Variants in PQBP1 observed in about 807,000 individuals in gnomAD.
The protein encoded by PQBP1 is polyglutamine-binding protein 1.
Under a neutral mutation model 20.9 loss-of-function variants are expected in PQBP1, and 3 were observed. The ratio of observed to expected loss-of-function variants is 0.14; its 90% confidence interval spans 0.07 to 0.37. The LOEUF is 0.37. Ranked by LOEUF, PQBP1 falls within the 10% of genes least tolerant of loss-of-function variation. The pLI, the probability that PQBP1 is intolerant of heterozygous loss-of-function variation, is 1.00. For synonymous variants in PQBP1, 83 were observed against 93.8 expected (o/e 0.88, Z 0.67); for missense variants, 162 against 240.3 (o/e 0.67, Z 2.16).
chrX:48,901,099 G>A, intron 2 of PQBP1, 91 bp from the exon 3 acceptor site: 1 of 1,159,174 alleles, frequency 8.6e-7, no homozygotes, highest in South Asian at 1.9e-5. Context: ...TGTGGCTTGT[G>A]TGAATGTGAG....
Position 48,901,491 on chromosome X carries a change from T to A in PQBP1, c.179+190T>A, listed in dbSNP as rs782293903. On this transcript the variant is annotated intron_variant, in intron 3 of 6. Transcript: ENST00000447146. Reference sequence around the variant, plus strand: ...GGTTGGAAGACTGTCTTTTCTCTCTTTTTTGAAACGGAGTTTCACTCTTGT... The same window carrying A: ...GGTTGGAAGACTGTCTTTTCTCTCTATTTTGAAACGGAGTTTCACTCTTGT... 4 of 959,847 alleles carry A rather than the reference T, an allele frequency of 4.2e-6. No homozygotes were observed. The African/African-American group carries it at 7.7e-5, about 19-fold the overall frequency. The allele number at this position is 959,847 out of a possible 1,213,427, so 79.1% of individuals were successfully genotyped here.
chrX:48,898,458 T>C, intron 1 of PQBP1, 34 bp from the exon 2 acceptor site: 1 of 1,158,662 alleles, frequency 8.6e-7, no homozygotes, highest in East Asian at 3.0e-5. Context: ...AATCTTTATC[T>C]GAGCTGCTTG....
At chrX:48,899,220 A>AC (rs782648522) in intron 2 of PQBP1, among the ~76,000 whole-genome samples, 1 of 109,027 alleles carries the variant, frequency 9.2e-6, no homozygotes, top group African/African-American at 3.3e-5. Context: ...CAGGTGATCC[A>AC]CCCCCCACCC....
rs2063432976 is a variant in PQBP1, at chrX:48,902,386, T to C, written c.446T>C (p.Val149Ala). 8.3e-7 allele frequency: 1 copy of C among 1,206,187 alleles called. No individual in the cohort carries two copies. The highest frequency in any genetic ancestry group is 1.8e-5 in the African/African-American group (1 of 56,594). ...GATCGAGAGCGTGGCTATGACAAGG[T>C]AGACAGAGAGAGAGAGCGAGACAGG... The part of the protein sequence containing the change: ...DRDRERGYDK[V>A]DRERERDRER... The change falls in exon 5 of 7, where the codon GTA becomes GCA. Residue 149 changes from valine to alanine, a missense_variant. By Grantham distance (64) the Val-to-Ala change is moderately conservative (BLOSUM62 0). Transcript: ENST00000447146.
At chrX:48,901,884 A>G in intron 3 of PQBP1, 46 bp from the exon 4 acceptor site, 1 of 1,209,167 alleles carries the variant, frequency 8.3e-7, no homozygotes, top group Non-Finnish European at 1.1e-6. Flanking sequence ...TTGAGGATCC[A>G]AGGCAAGGAC....
At chrX:48,898,785 C>CTTTTTTTTTTTTTTT (rs34214032) in intron 2 of PQBP1, among the ~76,000 whole-genome samples, 1 of 21,460 alleles carries the variant, frequency 4.7e-5, no homozygotes, top group East Asian at 1.9e-3. Flanking sequence ...ATATTTCATT[C>CTTTTTTTTTTTTTTT]TTTTTTTTTT....
intron 3 of PQBP1, chrX:48,901,513 T>C: frequency 1.2e-6 from 1 of 858,841 alleles, no homozygotes; most frequent in African/African-American, 2.0e-5. Flanking sequence ...AGTTTCACTC[T>C]TGTAGCCCGG....
intron 2 of PQBP1, among the ~76,000 whole-genome samples, chrX:48,900,552 A>G (rs997924230): frequency 1.9e-5 from 2 of 103,926 alleles, no homozygotes; most frequent in Admixed American, 2.1e-4. Context: ...CCTATGGTAT[A>G]TATATTATTT....
chrX:48,898,402 T>C lies in PQBP1; in HGVS notation c.-18-90T>C. 3 of 808,739 alleles carry C rather than the reference T, an allele frequency of 3.7e-6. No homozygotes were observed. In the Admixed American group the frequency reaches 7.3e-5, roughly 20 times the overall value. The allele number at this position is 808,739 out of a possible 1,213,427, so 66.6% of individuals were successfully genotyped here. A position where few individuals can be genotyped will look rare whatever the true frequency, so the allele number is the denominator to read the frequency against. ...TTCATTTGAGTAGATCGGAGTCAGA[T>C]GAGTACATGTTTACGGGAGGCGCTT... On this transcript the variant is annotated intron_variant, in intron 1 of 6. Coordinates refer to ENST00000447146, the MANE Select transcript of PQBP1 (RefSeq NM_001032382.2).
chrX:48,902,930 G>A lies in PQBP1; in HGVS notation c.644G>A (p.Gly215Asp), dbSNP rs1557041819. 8.4e-7 allele frequency: 1 copy of A among 1,196,695 alleles called. No individual in the cohort carries two copies. Among genetic ancestry groups the A allele is most frequent in the African/African-American group, 1.8e-5 (1 of 57,007 alleles). ...DPSSYSDAPRGTWSTGLPKRN... is the reference protein window; with the variant it reads ...DPSSYSDAPRDTWSTGLPKRN... ...TCCCCTGACTCTTTCACCGGCAGGG[G>A]CACGTGGTCAACAGGACTCCCCAAG... is the stretch of plus-strand genomic sequence containing the variant. Residue 215 changes from glycine (G) to aspartate (D), a missense_variant and splice_region_variant, in exon 7 of 7, where the codon GGC becomes GAC. Physicochemically the swap from Gly to Asp is moderately conservative, Grantham distance 94. Coordinates refer to ENST00000447146, the MANE Select transcript of PQBP1 (RefSeq NM_001032382.2).
chrX:48,898,010 C>A lies in PQBP1; in HGVS notation c.-91C>A. 11 of 985,059 alleles carry A rather than the reference C, an allele frequency of 1.1e-5. No individual in the cohort carries two copies. Among genetic ancestry groups the A allele is most frequent in the Non-Finnish European group, 1.5e-5 (11 of 756,871 alleles). The allele number at this position is 985,059 out of a possible 1,213,427, so 81.2% of individuals were successfully genotyped here. On this transcript the variant is annotated 5_prime_UTR_variant, in exon 1 of 7. Coordinates refer to ENST00000447146, the MANE Select transcript of PQBP1 (RefSeq NM_001032382.2). The stretch of plus-strand genomic sequence containing the variant: ...TGTTTTGGGAAGAGAGTCGTGTGGG[C>A]CCAGGTATCGTAGCGGCGACACGAG...
intron 2 of PQBP1, among the ~76,000 whole-genome samples, chrX:48,899,737 TC>T (rs1386879068): frequency 8.9e-6 from 1 of 112,089 alleles, no homozygotes; most frequent in East Asian, 2.8e-4. Context: ...TCTACTGCTG[TC>T]TCCTGTGTGC....
rs781987043 is a variant in PQBP1 at position 48,903,064 on chromosome X, C to T, written c.778C>T (p.Arg260Ter). The T allele has an allele frequency of 2.5e-6, 3 of 1,206,424 alleles. No homozygotes were observed. The highest frequency in any genetic ancestry group is 2.2e-6 in the Non-Finnish European group (2 of 893,642). ...AVLRANAEASRTKQQD is the reference protein window; with the variant it reads ...AVLRANAEAS Reference sequence around the variant, plus strand: ...GCTCCGGGCCAATGCAGAGGCCTCCCGAACCAAGCAGCAGGATTGAAGCTT... The same window carrying T: ...GCTCCGGGCCAATGCAGAGGCCTCCTGAACCAAGCAGCAGGATTGAAGCTT... The change falls in exon 7 of 7, where the codon CGA becomes TGA. Residue 260 changes from arginine to a stop codon, truncating the protein, a stop_gained. Transcript: ENST00000447146. LOFTEE classifies it high-confidence loss of function.
At position 48,901,480 on chromosome X, in the gene PQBP1, CTT is replaced by C. The variant is rs781967571; in HGVS notation, c.179+182_179+183del. 6 of 975,279 alleles carry C rather than the reference CTT, an allele frequency of 6.2e-6. No homozygotes were observed. The African/African-American group carries it at 7.7e-5, about 12-fold the overall frequency. The allele number at this position is 975,279 out of a possible 1,213,427, so 80.4% of individuals were successfully genotyped here. On this transcript the variant is annotated intron_variant, in intron 3 of 6. Coordinates refer to ENST00000447146, the MANE Select transcript of PQBP1 (RefSeq NM_001032382.2). Reference sequence around the variant, plus strand: ...GGCTCCTCTGGGGTTGGAAGACTGTCTTTTCTCTCTTTTTTGAAACGGAGTTT... The same window carrying C: ...GGCTCCTCTGGGGTTGGAAGACTGTCTTCTCTCTTTTTTGAAACGGAGTTT...
In PQBP1 at chrX:48,902,917, T is replaced by G; in HGVS notation, c.642-11T>G. 1 of 1,195,189 alleles carries G rather than the reference T, an allele frequency of 8.4e-7. No individual in the cohort carries two copies. The highest frequency in any genetic ancestry group is 1.1e-6 in the Non-Finnish European group (1 of 887,247). On this transcript the variant is annotated splice_polypyrimidine_tract_variant and intron_variant, in intron 6 of 6. Coordinates refer to ENST00000447146, the MANE Select transcript of PQBP1 (RefSeq NM_001032382.2). ...TCACCCATCCCCATCCCCTGACTCT[T>G]TCACCGGCAGGGGCACGTGGTCAAC...
Position 48,898,006 on chromosome X carries a change from T to G in PQBP1, c.-95T>G. Reference sequence around the variant, plus strand: ...TCGGTGTTTTGGGAAGAGAGTCGTGTGGGCCCAGGTATCGTAGCGGCGACA... The same window carrying G: ...TCGGTGTTTTGGGAAGAGAGTCGTGGGGGCCCAGGTATCGTAGCGGCGACA... On this transcript the variant is annotated 5_prime_UTR_variant, in exon 1 of 7. Coordinates refer to ENST00000447146, the MANE Select transcript of PQBP1 (RefSeq NM_001032382.2). 1 of 979,992 alleles carries G rather than the reference T, an allele frequency of 1.0e-6. No homozygotes were observed. Among genetic ancestry groups the G allele is most frequent in the East Asian group, 3.5e-5 (1 of 28,276 alleles). The allele number at this position is 979,992 out of a possible 1,213,427, so 80.8% of individuals were successfully genotyped here. A position where few individuals can be genotyped will look rare whatever the true frequency, so the allele number is the denominator to read the frequency against.
rs782164475 is a variant in PQBP1, at chrX:48,901,930, C to T, written c.180C>T (p.Cys60=). The change falls in exon 4 of 7, where the codon TGC becomes TGT. Residue 60 remains cysteine, a splice_region_variant and synonymous_variant. Transcript: ENST00000447146. The stretch of plus-strand genomic sequence containing the variant: ...ACACTTCTTTCCTGCGGCCCCACAG[C>T]GGGCTCCCTTACTACTGGAATGCAG... ...PSWYKVFDPS[C]GLPYYWNADT... is the part of the protein sequence containing the mutation. 7.4e-6 allele frequency: 9 copies of T among 1,209,461 alleles called. No homozygotes were observed. The East Asian group carries it at 8.9e-5, about 12-fold the overall frequency.
chrX:48,898,303 G>A (rs1315480692), intron 1 of PQBP1, 189 bp from the exon 2 acceptor site: 6 of 633,616 alleles, frequency 9.5e-6, no homozygotes, highest in South Asian at 2.4e-5. Context: ...AGTAGGGTTG[G>A]TGGGAGTTGC....
intron 2 of PQBP1, among the ~76,000 whole-genome samples, chrX:48,900,434 C>T (rs1367354314): frequency 9.5e-6 from 1 of 105,108 alleles, no homozygotes; most frequent in African/African-American, 3.5e-5. Context: ...GCTAGGACCA[C>T]AGGCGTGCTC....
Sources: allele counts gnomAD v4.1 joint callset (sites outside exome capture counted in the v4.1 genomes callset), GRCh38; gene constraint gnomAD v4.1.1; transcripts MANE v1.5; gene names NCBI Gene and HGNC (gene_info 2026-07-23, HGNC 2026-07-21).